The following NBAS variants were observed in gnomAD, a reference collection of about 807,000 sequenced individuals.
The protein encoded by NBAS is NAG/BC035112 fusion.
NBAS carries 219 observed loss-of-function variants against 302.5 expected under a neutral mutation model. That is an observed-to-expected ratio of 0.72 (90% CI 0.65 to 0.81). NBAS has a LOEUF of 0.81. Among genes scored for constraint, NBAS ranks in the 30% least tolerant of loss-of-function variants. The probability of loss-of-function intolerance (pLI) is 0.00; values close to 1 mark genes in which losing one functional copy is unlikely to be tolerated. For synonymous variants in NBAS, 1,118 were observed against 1,021.6 expected, an observed-to-expected ratio of 1.09 and a Z score of -1.80; for missense variants, 2,932 against 2,841.6, an observed-to-expected ratio of 1.03 and a Z score of -0.72.
At chr2:15,405,490 T>C (rs544520402) in intron 25 of NBAS, among the ~76,000 whole-genome samples, 37 of 152,276 alleles carry the variant, frequency 2.4e-4, no homozygotes, top group African/African-American at 8.7e-4. Context: ...TTTTATACTG[T>C]CATTTGCCCT....
At chr2:15,459,771 A>G (rs6704723) in intron 21 of NBAS, among the ~76,000 whole-genome samples, 94,848 of 151,940 alleles carry the variant, frequency 0.62, 30,377 homozygotes, top group Middle Eastern at 0.68. Context: ...GAGCCACCGC[A>G]CCTGGCCCTT....
chr2:15,080,822 G>A, the NBAS span, among the ~76,000 whole-genome samples: 2 of 152,330 alleles, frequency 1.3e-5, no homozygotes, highest in African/African-American at 4.8e-5. Flanking sequence ...GGGGGATGGA[G>A]CTCTCAGAAA....
At chr2:14,785,708 C>T in the NBAS span, among the ~76,000 whole-genome samples, 5,052 of 152,172 alleles carry the variant, frequency 0.033, 264 homozygotes, top group African/African-American at 0.11. Context: ...GATGTACTGC[C>T]GGATTCAGTT....
At chr2:14,918,322 A>C in the NBAS span, among the ~76,000 whole-genome samples, 1 of 146,382 alleles carries the variant, frequency 6.8e-6, no homozygotes, top group Non-Finnish European at 1.5e-5. Context: ...CAAAAAAAAA[A>C]AAAAAAAACA....
chr2:14,856,014 C>CTTATATCATA, the NBAS span, among the ~76,000 whole-genome samples: 1 of 152,106 alleles, frequency 6.6e-6, no homozygotes, highest in Non-Finnish European at 1.5e-5. Flanking sequence ...GCCATAGTTG[C>CTTATATCATA]GGTGGCCATA....
chr2:14,803,797 G>A, the NBAS span, among the ~76,000 whole-genome samples: 3 of 151,934 alleles, frequency 2.0e-5, no homozygotes, highest in Admixed American at 1.3e-4. Flanking sequence ...CTACAGGCAC[G>A]TGCCACCATG....
chr2:15,183,788 C>T (rs1021912595), intron 50 of NBAS, among the ~76,000 whole-genome samples: 7 of 152,338 alleles, frequency 4.6e-5, no homozygotes, highest in African/African-American at 1.7e-4. Flanking sequence ...AGACGCAGTA[C>T]ATCCCTTCCC....
At chr2:15,394,601 C>G (rs1392959795) in intron 27 of NBAS, among the ~76,000 whole-genome samples, 2 of 152,030 alleles carry the variant, frequency 1.3e-5, no homozygotes, top group African/African-American at 2.4e-5. Context: ...GAAAGCATAA[C>G]CTATCTTTAT....
chr2:15,120,869 TTC>T, the NBAS span, among the ~76,000 whole-genome samples: 1 of 152,238 alleles, frequency 6.6e-6, no homozygotes, highest in East Asian at 1.9e-4. Flanking sequence ...TGGAGATTTA[TTC>T]TGTTTCCATA....
chr2:15,122,431 G>A, the NBAS span, among the ~76,000 whole-genome samples: 3 of 152,104 alleles, frequency 2.0e-5, no homozygotes, highest in Admixed American at 1.3e-4. Context: ...CACCCAGATC[G>A]CATGTGAACT....
chr2:14,929,447 G>A, the NBAS span, among the ~76,000 whole-genome samples: 7 of 152,130 alleles, frequency 4.6e-5, no homozygotes, highest in South Asian at 4.1e-4. Context: ...GTGCAATCTC[G>A]GCTCACTGCA....
chr2:15,427,877 T>C, intron 21 of NBAS, 83 bp from the exon 22 acceptor site: 3 of 979,374 alleles, frequency 3.1e-6, no homozygotes, highest in Non-Finnish European at 4.7e-6. Flanking sequence ...GCAAACAGCA[T>C]CTCTATAACA....
At chr2:15,000,686 G>C in the NBAS span, among the ~76,000 whole-genome samples, 2 of 152,158 alleles carry the variant, frequency 1.3e-5, no homozygotes, top group Non-Finnish European at 2.9e-5. Flanking sequence ...TTAATACCGA[G>C]AGGTGAAGGA....
At chr2:15,407,771 T>C (rs1323477094) in intron 25 of NBAS, among the ~76,000 whole-genome samples, 2 of 152,348 alleles carry the variant, frequency 1.3e-5, no homozygotes, top group South Asian at 2.1e-4. Flanking sequence ...CCATAATAAA[T>C]TACCACGAAC....
chr2:15,149,964 C>T, the NBAS span, among the ~76,000 whole-genome samples: 13 of 150,078 alleles, frequency 8.7e-5, no homozygotes, highest in African/African-American at 3.2e-4. Flanking sequence ...AGTCCCAGTA[C>T]TTTGAGAGGC....
At chr2:15,217,729 A>G (rs1317094574) in intron 48 of NBAS, among the ~76,000 whole-genome samples, 2 of 152,224 alleles carry the variant, frequency 1.3e-5, no homozygotes, top group African/African-American at 4.8e-5. Flanking sequence ...CAGCCACAAT[A>G]TTTCTTTGAT....
At position 15,543,529 on chromosome 2, in the gene NBAS, TTAA is replaced by T. The variant is rs201891972; in HGVS notation, c.380-4176_380-4174del. 9.8e-3 allele frequency among the ~76,000 whole-genome samples: 1,500 copies of T among 152,304 alleles called. 17 individuals are homozygous for T. The highest frequency in any genetic ancestry group is 0.031 in the African/African-American group (1,293 of 41,538). ...TGGGCAATTTACAAAAGAAAGAGGTTTAATTGAATTTACAGTTCCATGTGGTTA... is the reference window on the plus strand; with the variant it reads ...TGGGCAATTTACAAAAGAAAGAGGTTTTGAATTTACAGTTCCATGTGGTTA... On this transcript the variant is annotated intron_variant, in intron 6 of 51. Coordinates refer to ENST00000281513, the MANE Select transcript of NBAS (RefSeq NM_015909.4).
At chr2:15,521,116 A>G (rs1281766648) in intron 9 of NBAS, among the ~76,000 whole-genome samples, 2 of 152,230 alleles carry the variant, frequency 1.3e-5, no homozygotes, top group African/African-American at 4.8e-5. Context: ...TGTAGGAAAT[A>G]CTGTGTAATG....
chr2:15,081,624 C>CT, the NBAS span, among the ~76,000 whole-genome samples: 4 of 152,186 alleles, frequency 2.6e-5, 1 homozygote, highest in Admixed American at 2.0e-4. Flanking sequence ...CTTCTCCAGA[C>CT]TTTTTTCACT....
Sources: allele counts gnomAD v4.1 joint callset (sites outside exome capture counted in the v4.1 genomes callset), GRCh38; gene constraint gnomAD v4.1.1; transcripts MANE v1.5; gene names NCBI Gene and HGNC (gene_info 2026-07-23, HGNC 2026-07-21).